The following SUPT7L variants were observed in gnomAD, a reference collection of about 807,000 sequenced individuals.
The protein encoded by SUPT7L is STAGA complex 65 subunit gamma.
SUPT7L carries 15 observed loss-of-function variants against 35.7 expected under a neutral mutation model. The ratio of observed to expected loss-of-function variants is 0.42; its 90% CI spans 0.28 to 0.65. SUPT7L has a LOEUF of 0.65. Among genes scored for constraint, SUPT7L ranks in the 30% least tolerant of loss-of-function variants. The pLI is 0.23. For missense variants in SUPT7L, 434 were observed against 522.2 expected, an observed-to-expected ratio of 0.83 and a Z score of 1.65; for synonymous variants, 168 against 186.2, an observed-to-expected ratio of 0.90 and a Z score of 0.79.
At chr2:27,642,956 T>TACACAC in the SUPT7L span, among the ~76,000 whole-genome samples, 2,954 of 85,622 alleles carry the variant, frequency 0.035, 40 homozygotes, top group Middle Eastern at 0.053. Context: ...TATATATATA[T>TACACAC]ATACACACAC....
downstream of SUPT7L, chr2:27,650,379 T>A: frequency 4.2e-6 from 2 of 472,760 alleles, no homozygotes; most frequent in Non-Finnish European, 7.7e-6. Flanking sequence ...AGAAGACCCT[T>A]GGACCTGGCA....
chr2:27,659,113 C>G (rs954795158), intron 3 of SUPT7L, among the ~76,000 whole-genome samples: 3 of 152,168 alleles, frequency 2.0e-5, no homozygotes, highest in Non-Finnish European at 2.9e-5. Context: ...TTGATCACCA[C>G]AGAGCAAGTT....
At chr2:27,654,900 T>G (rs546238515) in intron 5 of SUPT7L, among the ~76,000 whole-genome samples, 29 of 152,258 alleles carry the variant, frequency 1.9e-4, no homozygotes, top group South Asian at 1.9e-3. Flanking sequence ...ATCTTCAGTT[T>G]GTTAGAATAC....
downstream of SUPT7L, chr2:27,647,818 T>G (rs1327358285): frequency 7.0e-7 from 1 of 1,435,502 alleles, no homozygotes; most frequent in Non-Finnish European, 9.8e-7. Context: ...ATATCACTGA[T>G]AGGTGTTTTC....
At chr2:27,653,810 G>C in intron 5 of SUPT7L, 63 bp from the exon 6 acceptor site, 1 of 1,594,066 alleles carries the variant, frequency 6.3e-7, no homozygotes, top group Non-Finnish European at 8.6e-7. Flanking sequence ...GTAGAACAAA[G>C]AGTAAATATA....
rs781343480 is a variant in SUPT7L at position 27,655,413 on chromosome 2, C to T, written c.934G>A (p.Glu312Lys). Residue 312 changes from glutamate to lysine, a missense_variant, in exon 5 of 6, where the codon GAA becomes AAA. Coordinates refer to ENST00000337768, the MANE Select transcript of SUPT7L (RefSeq NM_014860.3). The part of the protein sequence containing the change: ...LPMGVLGAQS[E>K]RFPSNLEVEA... ...ACCTCCAGGTTAGATGGGAAGCGTTCGCTCTGAGCCCCAAGCACTCCCATA... is the reference window on the plus strand; with the variant it reads ...ACCTCCAGGTTAGATGGGAAGCGTTTGCTCTGAGCCCCAAGCACTCCCATA... 1.9e-6 allele frequency: 3 copies of T among 1,609,208 alleles called. No individual in the cohort carries two copies. Among genetic ancestry groups the T allele is most frequent in the East Asian group, 2.2e-5 (1 of 44,798 alleles).
At chr2:27,649,344 G>A (rs184657630), downstream of SUPT7L, among the ~76,000 whole-genome samples, 24 of 151,842 alleles carry the variant, frequency 1.6e-4, no homozygotes, top group East Asian at 4.1e-3. Context: ...CTTTAGGCTG[G>A]GTTTTACATG....
intron 3 of SUPT7L, among the ~76,000 whole-genome samples, chr2:27,659,798 T>A (rs1017980567): frequency 2.6e-5 from 4 of 152,104 alleles, no homozygotes; most frequent in African/African-American, 9.7e-5. Flanking sequence ...CATATATGTA[T>A]GTTTGTATAT....
intron 4 of SUPT7L, among the ~76,000 whole-genome samples, chr2:27,656,463 G>A (rs1674808540): frequency 6.6e-6 from 1 of 152,156 alleles, no homozygotes; most frequent in Non-Finnish European, 1.5e-5. Context: ...TGTGCTTAGA[G>A]ACAGGGTCTT....
rs372248888 is a variant in SUPT7L, at chr2:27,657,376, C to T, written c.713G>A (p.Arg238His). Reference protein sequence around the residue: ...VLSLQKFWQHRIKDYHSYMLQ... With the variant: ...VLSLQKFWQHHIKDYHSYMLQ... ...CATGTAACTGTGATAGTCCTTGATG[C>T]GGTGCTGCCAGAACTTCTGGAGGGA... The change falls in exon 4 of 6, where the codon CGC (arginine) becomes CAC (histidine). Residue 238 changes from arginine (R) to histidine (H), a missense_variant. Arg to His is a conservative substitution (Grantham distance 29, BLOSUM62 0). Transcript: ENST00000337768. This position sits in a 1 kb window ranked among gnomAD's most constrained non-coding sequence, Gnocchi z 5.2. 48 of 1,614,112 alleles carry T rather than the reference C, an allele frequency of 3.0e-5. No homozygotes were observed. The highest frequency in any genetic ancestry group is 1.2e-4 in the African/African-American group (9 of 74,954).
At chr2:27,648,540 C>T (rs376366736), downstream of SUPT7L, among the ~76,000 whole-genome samples, 1 of 152,104 alleles carries the variant, frequency 6.6e-6, no homozygotes, top group African/African-American at 2.4e-5. Context: ...ACAAATAATA[C>T]ATAAGGTTAT....
chr2:27,648,215 A>G (rs192837640), downstream of SUPT7L, among the ~76,000 whole-genome samples: 1 of 152,124 alleles, frequency 6.6e-6, no homozygotes, highest in East Asian at 1.9e-4. Context: ...TGTTATTAGT[A>G]TTTTGTTTTA....
At chr2:27,648,147 T>C (rs1324794634), downstream of SUPT7L, among the ~76,000 whole-genome samples, 4 of 152,230 alleles carry the variant, frequency 2.6e-5, no homozygotes, top group Non-Finnish European at 5.9e-5. Flanking sequence ...TCGTTGGTCT[T>C]GTGTCTTCTT....
chr2:27,658,104 A>G (rs991936059), intron 3 of SUPT7L, among the ~76,000 whole-genome samples: 1 of 152,316 alleles, frequency 6.6e-6, no homozygotes, highest in African/African-American at 2.4e-5. Flanking sequence ...CAGTTCCAAT[A>G]AAGAGATTCT....
chr2:27,662,926 CG>C (rs1675186615), intron 1 of SUPT7L, among the ~76,000 whole-genome samples: 1 of 150,556 alleles, frequency 6.6e-6, no homozygotes, highest in Admixed American at 6.6e-5. Flanking sequence ...ACTACAGGCG[CG>C]CACCATCAAA....
chr2:27,659,499 A>C (rs940048006), intron 3 of SUPT7L, among the ~76,000 whole-genome samples: 1 of 152,264 alleles, frequency 6.6e-6, no homozygotes, highest in African/African-American at 2.4e-5. Flanking sequence ...CTAAAGAGGC[A>C]TAACAACCAG....
In SUPT7L at chr2:27,652,286, T is replaced by G. The variant is rs1674594417; in HGVS notation, c.*1199A>C. 6.6e-6 allele frequency: 1 copy of G among 152,400 alleles called. No individual in the cohort carries two copies. Among genetic ancestry groups the G allele is most frequent in the Non-Finnish European group, 1.5e-5 (1 of 68,056 alleles). 9.4% of individuals were successfully genotyped at this position (152,400 alleles called of 1,614,324 possible). On this transcript the variant is annotated 3_prime_UTR_variant, in exon 6 of 6. Coordinates refer to ENST00000337768, the MANE Select transcript of SUPT7L (RefSeq NM_014860.3). ...CCTCATTTGTATCATATTCATTTAT[T>G]CTCAATACCTGGGACATTTAAGGCA...
intron 3 of SUPT7L, among the ~76,000 whole-genome samples, chr2:27,658,697 T>C (rs555608651): frequency 4.7e-4 from 71 of 152,378 alleles, no homozygotes; most frequent in African/African-American, 1.7e-3. Flanking sequence ...ATAGCAACTA[T>C]TGCAGTTTAC....
chr2:27,646,836 G>A (rs9677155), downstream of SUPT7L, among the ~76,000 whole-genome samples: 3,651 of 152,048 alleles, frequency 0.024, 152 homozygotes, highest in African/African-American at 0.084. Flanking sequence ...AGCTAGTAAC[G>A]GACTGGGTTT....
Sources: gnomAD v4.1 joint callset for allele counts (sites outside exome capture counted in the v4.1 genomes callset) on GRCh38, gnomAD v4.1.1 for gene constraint, Gnocchi (gnomAD v3.1) non-coding constraint, MANE v1.5 for transcripts, NCBI Gene and HGNC (gene_info 2026-07-23, HGNC 2026-07-21) for gene names.